MTR: variants seen among roughly 807,000 people sequenced by gnomAD.
The protein encoded by MTR is methionine synthase.
A neutral mutation model predicts 154.8 loss-of-function variants in MTR; 84 were observed. That is an observed-to-expected ratio of 0.54 (90% CI 0.45 to 0.65). The LOEUF is 0.65. Among genes scored for constraint, MTR ranks in the 30% least tolerant of loss-of-function variants. The pLI is 0.00. For missense variants in MTR, 1,275 were observed against 1,570.2 expected (o/e 0.81, Z 3.18); for synonymous variants, 554 against 553.9 (o/e 1.00, Z 0.00).
At chr1:236,812,704 G>T (rs1661374495) in intron 5 of MTR, 34 bp from the exon 6 acceptor site, 1 of 1,561,342 alleles carries the variant, frequency 6.4e-7, no homozygotes, top group South Asian at 1.1e-5. Flanking sequence ...GGATATTGAT[G>T]ACTGATGTGC....
intron 1 of MTR, chr1:236,799,982 T>A (rs867122619): frequency 2.1e-5 from 19 of 884,734 alleles, no homozygotes; most frequent in South Asian, 2.1e-4. Flanking sequence ...ATGCCAGAAT[T>A]TGCATGTGTG....
In MTR at chr1:236,803,568, C is replaced by G; in HGVS notation, c.175C>G (p.His59Asp). Residue 59 changes from histidine (H) to aspartate (D), a missense_variant, in exon 2 of 33, where the codon CAT becomes GAT. Physicochemically the swap from His to Asp is moderately conservative, Grantham distance 81 (BLOSUM62 -1). Transcript: ENST00000366577. ...EHFRGQEFKD[H>D]ARPLKGNNDI... Reference sequence around the variant, plus strand: ...CTTCCGAGGTCAGGAATTTAAAGATCATGCCAGGCCGCTGAAAGGCAACAA... The same window carrying G: ...CTTCCGAGGTCAGGAATTTAAAGATGATGCCAGGCCGCTGAAAGGCAACAA... 6.2e-7 allele frequency: 1 copy of G among 1,614,146 alleles called. No individual in the cohort carries two copies. Among genetic ancestry groups the G allele is most frequent in the Non-Finnish European group, 8.5e-7 (1 of 1,180,014 alleles).
At chr1:236,866,123 T>C (rs1664809177) in intron 22 of MTR, among the ~76,000 whole-genome samples, 1 of 152,238 alleles carries the variant, frequency 6.6e-6, no homozygotes, top group Admixed American at 6.5e-5. Flanking sequence ...CCTCACTTTA[T>C]TGAGCTTTGC....
chr1:236,839,770 G>A (rs1663123022), intron 15 of MTR, among the ~76,000 whole-genome samples: 1 of 152,154 alleles, frequency 6.6e-6, no homozygotes, highest in South Asian at 2.1e-4. Context: ...TAGCATTGTG[G>A]TAGCAAAAAG....
rs542512694 is a variant in MTR at position 236,877,410 on chromosome 1, C to T, written c.2594+2564C>T. Among the ~76,000 whole-genome samples, 3 of 152,314 alleles carry T rather than the reference C, an allele frequency of 2.0e-5. No individual in the cohort carries two copies. The South Asian group carries it at 6.2e-4, about 32-fold the overall frequency. ...CTAGGAACCTCAGCAGGTTCCTCCA[C>T]CCAGTCATCCTTTCCAACAAAAGTA... is the stretch of plus-strand genomic sequence containing the variant. On this transcript the variant is annotated intron_variant, in intron 24 of 32. Transcript: ENST00000366577.
intron 22 of MTR, among the ~76,000 whole-genome samples, chr1:236,870,079 T>G (rs1405324572): frequency 5.3e-5 from 8 of 152,048 alleles, no homozygotes; most frequent in Non-Finnish European, 1.2e-4. Flanking sequence ...TGCTGGAGAG[T>G]GGAACTGGGC....
chr1:236,879,305 AC>A (rs1392661718), intron 24 of MTR, among the ~76,000 whole-genome samples: 1 of 152,356 alleles, frequency 6.6e-6, no homozygotes, highest in East Asian at 1.9e-4. Context: ...AAACTTAGAT[AC>A]AGGATTGGTT....
intron 15 of MTR, among the ~76,000 whole-genome samples, chr1:236,840,654 T>A (rs1663176265): frequency 6.6e-6 from 1 of 152,260 alleles, no homozygotes; most frequent in African/African-American, 2.4e-5. Context: ...TGGTATTCTG[T>A]AACTCTTTTC....
intron 2 of MTR, among the ~76,000 whole-genome samples, chr1:236,804,635 TCA>T (rs1290847990): frequency 6.6e-6 from 1 of 152,228 alleles, no homozygotes; most frequent in Non-Finnish European, 1.5e-5. Context: ...AAGTTTATTT[TCA>T]GTTTTTCTTG....
chr1:236,881,368 T>A (rs141999875), intron 25 of MTR, among the ~76,000 whole-genome samples: 1 of 152,170 alleles, frequency 6.6e-6, no homozygotes, highest in African/African-American at 2.4e-5. Flanking sequence ...TATCTTGTTA[T>A]AGGTTTCATT....
At chr1:236,813,916 T>C (rs965579784) in intron 6 of MTR, among the ~76,000 whole-genome samples, 6 of 152,128 alleles carry the variant, frequency 3.9e-5, no homozygotes, top group Admixed American at 2.6e-4. Context: ...ATTTACAGAT[T>C]CTATTTTTTT....
At chr1:236,798,420 T>C (rs1192630156) in intron 1 of MTR, among the ~76,000 whole-genome samples, 1 of 152,218 alleles carries the variant, frequency 6.6e-6, no homozygotes, top group East Asian at 1.9e-4. Flanking sequence ...CTTATACCTA[T>C]GTTTATTCTT....
intron 22 of MTR, among the ~76,000 whole-genome samples, chr1:236,866,386 T>C (rs1025474232): frequency 6.6e-6 from 1 of 152,170 alleles, no homozygotes; most frequent in African/African-American, 2.4e-5. Context: ...TCCATAAATA[T>C]ATATATTTTG....
chr1:236,835,827 A>T, intron 14 of MTR, 140 bp downstream of exon 14: 27 of 1,183,892 alleles, frequency 2.3e-5, no homozygotes, highest in Non-Finnish European at 3.4e-5. Context: ...GTAGTTTCTG[A>T]TTGTCAGCTT....
At chr1:236,839,055 C>T (rs1189632994) in intron 15 of MTR, among the ~76,000 whole-genome samples, 1 of 152,152 alleles carries the variant, frequency 6.6e-6, no homozygotes, top group Non-Finnish European at 1.5e-5. Flanking sequence ...CTTACGGAAC[C>T]ATTGTTGTTT....
rs558543318 is a variant in MTR at position 236,872,074 on chromosome 1, G to A, written c.2406-1699G>A. On this transcript the variant is annotated intron_variant, in intron 22 of 32. Coordinates refer to ENST00000366577, the MANE Select transcript of MTR (RefSeq NM_000254.3). ...AATGAAATAAGTAAAAATGCATGCT[G>A]TAAGTTTTTCAACATCTTTTAACAA... Among the ~76,000 whole-genome samples, 8 of 152,248 alleles carry A rather than the reference G, an allele frequency of 5.3e-5. No individual in the cohort carries two copies. In the South Asian group the frequency reaches 1.7e-3, roughly 32 times the overall value.
At chr1:236,835,884 G>T (rs1353307925) in intron 14 of MTR, among the ~76,000 whole-genome samples, 197 bp downstream of exon 14, 1 of 152,120 alleles carries the variant, frequency 6.6e-6, no homozygotes, top group African/African-American at 2.4e-5. Flanking sequence ...CTTGGAGACA[G>T]CTGTGGCTTC....
chr1:236,887,916 T>C (rs1339601800), intron 27 of MTR, among the ~76,000 whole-genome samples: 1 of 152,228 alleles, frequency 6.6e-6, no homozygotes, highest in African/African-American at 2.4e-5. Context: ...GGAGGACGCT[T>C]GAATCAAGGG....
intron 6 of MTR, 132 bp from the exon 7 acceptor site, chr1:236,815,472 C>G: frequency 1.1e-6 from 1 of 878,750 alleles, no homozygotes; most frequent in South Asian, 1.4e-5. Context: ...AAGGAAGACA[C>G]TTCTTCCCAG....
Sources: gnomAD v4.1 joint callset for allele counts (sites outside exome capture counted in the v4.1 genomes callset) on GRCh38, gnomAD v4.1.1 for gene constraint, MANE v1.5 for transcripts, NCBI Gene and HGNC (gene_info 2026-07-23, HGNC 2026-07-21) for gene names.